Variants in PEX6 observed in about 807,000 individuals in gnomAD.
The protein encoded by PEX6 is peroxisomal biogenesis factor 6.
In PEX6, 55 loss-of-function variants were observed where a neutral mutation model predicts 85.6. The ratio of observed to expected loss-of-function variants is 0.64; its 90% CI spans 0.52 to 0.80. The LOEUF is 0.80. PEX6 is among the 30% of genes least tolerant of loss of function. PEX6 has a pLI of 0.00. For synonymous variants in PEX6, 519 were observed against 549.1 expected (o/e 0.95, Z 0.77); for missense variants, 1,099 against 1,260.3 (o/e 0.87, Z 1.94).
Position 42,969,903 on chromosome 6 carries a change from G to C in PEX6, c.1215C>G (p.Thr405=), listed in dbSNP as rs767916101. The part of the protein sequence containing the change: ...GPASAYLADT[T]HTSLYMVGST... Reference sequence around the variant, plus strand: ...GCCTCACCATGTACAAGGAGGTATGGGTGGTGTCGGCCAAGTAGGCACTGG... The same window carrying C: ...GCCTCACCATGTACAAGGAGGTATGCGTGGTGTCGGCCAAGTAGGCACTGG... Residue 405 remains threonine, a synonymous_variant, in exon 4 of 17, where the codon ACC becomes ACG. Transcript: ENST00000304611. 3.1e-6 allele frequency: 5 copies of C among 1,614,176 alleles called. No homozygotes were observed. The highest frequency in any genetic ancestry group is 3.4e-6 in the Non-Finnish European group (4 of 1,180,010).
In PEX6 at chr6:42,964,487, T is replaced by A; in HGVS notation, c.2807-16A>T. ...GGCTCCAGCCCTGGAGATGACAAGG[T>A]GGGGAGGCTGTGGTCTATGCCCAGG... On this transcript the variant is annotated splice_polypyrimidine_tract_variant and intron_variant, in intron 16 of 16. Coordinates refer to ENST00000304611, the MANE Select transcript of PEX6 (RefSeq NM_000287.4). The surrounding 1 kb of genome is among the most constrained non-coding windows in gnomAD (Gnocchi z 4.6). 6.2e-7 allele frequency: 1 copy of A among 1,612,654 alleles called. No homozygotes were observed. Among genetic ancestry groups the A allele is most frequent in the Non-Finnish European group, 8.5e-7 (1 of 1,179,890 alleles).
rs111282915 is a variant in PEX6 at position 42,974,893 on chromosome 6, C to T, written c.1028G>A (p.Arg343Gln). 2.1e-3 allele frequency: 3,309 copies of T among 1,613,850 alleles called. 65 individuals carry two copies. The African/African-American group carries it at 0.038, about 18-fold the overall frequency. Reference protein sequence around the residue: ...TNGNYDGVLYRHFQIPRVVQE... With the variant: ...TNGNYDGVLYQHFQIPRVVQE... ...AGCTAACCTGGGTATCTGAAAGTGC[C>T]GGTAAAGAACACCGTCATAATTTCC... The change falls in exon 2 of 17, where the codon CGG (arginine) becomes CAG (glutamine). Residue 343 changes from arginine to glutamine, a missense_variant. Physicochemically the swap from Arg to Gln is conservative, Grantham distance 43. Coordinates refer to ENST00000304611, the MANE Select transcript of PEX6 (RefSeq NM_000287.4).
rs1200942780 is a variant in PEX6 at position 42,978,745 on chromosome 6, G to C, written c.406C>G (p.Pro136Ala). 3 of 1,536,556 alleles carry C rather than the reference G, an allele frequency of 2.0e-6. No individual in the cohort carries two copies. Among genetic ancestry groups the C allele is most frequent in the Non-Finnish European group, 2.6e-6 (3 of 1,147,208 alleles). The change falls in exon 1 of 17, where the codon CCG becomes GCG. Residue 136 changes from proline to alanine, a missense_variant. Pro to Ala is a conservative substitution (Grantham distance 27). This residue lies in a region of PEX6 where 579 missense variants were observed against 611.6 expected (regional missense o/e 0.95). Transcript: ENST00000304611. ...GCCGGCCGCGTCTCCAGCACCCGCGGTCCGGGCACTGGGAGGGTCTCTCCG... is the reference window on the plus strand; with the variant it reads ...GCCGGCCGCGTCTCCAGCACCCGCGCTCCGGGCACTGGGAGGGTCTCTCCG... The part of the protein sequence containing the change: ...RRGETLPVPG[P>A]RVLETRPALQ...
Position 42,968,472 on chromosome 6 carries a change from T to G in PEX6, c.1506A>C (p.Glu502Asp), listed in dbSNP as rs2114245075. The change falls in exon 7 of 17, where the codon GAA (glutamate) becomes GAC (aspartate). Residue 502 changes from glutamate to aspartate, a missense_variant. By Grantham distance (45) the Glu-to-Asp change is conservative. Around this residue, in one of 3 missense-constraint regions of PEX6, gnomAD observed 514 missense variants for 627.0 expected, o/e 0.82. Coordinates refer to ENST00000304611, the MANE Select transcript of PEX6 (RefSeq NM_000287.4). ...LKVPCSSLCA[E>D]SSGAVETKLQ... ...GTTTTGTCTCCACAGCCCCACTACT[T>G]TCTGCACAGAGGCTGGAGCAGGGCA... 2 of 1,590,360 alleles carry G rather than the reference T, an allele frequency of 1.3e-6. No individual in the cohort carries two copies. Among genetic ancestry groups the G allele is most frequent in the Non-Finnish European group, 1.7e-6 (2 of 1,168,174 alleles).
chr6:42,964,412 C>A lies in PEX6; in HGVS notation c.2866G>T (p.Ala956Ser), dbSNP rs774145857. The A allele has an allele frequency of 5.6e-6, 9 of 1,613,802 alleles. No individual in the cohort carries two copies. Among genetic ancestry groups the A allele is most frequent in the Non-Finnish European group, 6.8e-6 (8 of 1,179,980 alleles). ...TCACTGACTGAGGGTTGCAGCCGGG[C>A]GGCAGCCTGCAGCAAGTCCTCCATG... ...LTMEDLLQAAARLQPSVSEQE... is the reference protein window; with the variant it reads ...LTMEDLLQAASRLQPSVSEQE... Residue 956 changes from alanine (A) to serine (S), a missense_variant, in exon 17 of 17, where the codon GCC becomes TCC. By Grantham distance (99) the Ala-to-Ser change is moderately conservative. This residue lies in a region of PEX6 where 514 missense variants were observed against 627.0 expected (regional missense o/e 0.82). Coordinates refer to ENST00000304611, the MANE Select transcript of PEX6 (RefSeq NM_000287.4). The surrounding 1 kb of genome is among the most constrained non-coding windows in gnomAD (Gnocchi z 4.6).
At chr6:42,966,504 C>T (rs1769813871) in intron 10 of PEX6, 21 bp downstream of exon 10, 1 of 1,614,160 alleles carries the variant, frequency 6.2e-7, no homozygotes, top group African/African-American at 1.3e-5. Context: ...CCTGTCCCAC[C>T]TCCAAGGACT....
At position 42,965,878 on chromosome 6, in the gene PEX6, G is replaced by A. The variant is rs1769777886; in HGVS notation, c.2363-89C>T. 5 of 1,325,798 alleles carry A rather than the reference G, an allele frequency of 3.8e-6. No individual in the cohort carries two copies. The highest frequency in any genetic ancestry group is 5.4e-6 in the Non-Finnish European group (5 of 921,480). The allele number at this position is 1,325,798 out of a possible 1,614,324, so 82.1% of individuals were successfully genotyped here. ...AGAGCAGGGAGGGAAACTGGGGCCTGACAATACAGCACTGGCATCCCAGGT... is the reference window on the plus strand; with the variant it reads ...AGAGCAGGGAGGGAAACTGGGGCCTAACAATACAGCACTGGCATCCCAGGT... On this transcript the variant is annotated intron_variant, in intron 12 of 16. Transcript: ENST00000304611. This position sits in a 1 kb window ranked among gnomAD's most constrained non-coding sequence, Gnocchi z 5.0.
In PEX6 at chr6:42,964,677, A is replaced by G; in HGVS notation, c.2806+113T>C. The G allele has an allele frequency of 3.4e-6, 5 of 1,464,138 alleles. No homozygotes were observed. In the South Asian group the frequency reaches 4.6e-5, roughly 13 times the overall value. 90.7% of individuals were successfully genotyped at this position (1,464,138 alleles called of 1,614,324 possible). A position where few individuals can be genotyped will look rare whatever the true frequency, so the allele number is the denominator to read the frequency against. On this transcript the variant is annotated intron_variant, in intron 16 of 16. Coordinates refer to ENST00000304611, the MANE Select transcript of PEX6 (RefSeq NM_000287.4). This position sits in a 1 kb window ranked among gnomAD's most constrained non-coding sequence, Gnocchi z 4.6. The stretch of plus-strand genomic sequence containing the variant: ...TCTGTGTTGCCCAGGCTGGCCTCAA[A>G]CTCCTGGGCTCAAGCGATCCTCCCA...
chr6:42,972,528 TG>T (rs1200857474), intron 3 of PEX6, among the ~76,000 whole-genome samples: 8 of 152,180 alleles, frequency 5.3e-5, no homozygotes, highest in African/African-American at 1.4e-4. Context: ...CCCAGCACTT[TG>T]GGAGGCCGAG....
Position 42,964,880 on chromosome 6 carries a change from G to A in PEX6, c.2716C>T (p.Pro906Ser), listed in dbSNP as rs750600222. The change falls in exon 16 of 17, where the codon CCT becomes TCT. Residue 906 changes from proline (P) to serine (S), a missense_variant. Pro to Ser is a moderately conservative substitution (Grantham distance 74). Around this residue, in one of 3 missense-constraint regions of PEX6, gnomAD observed 514 missense variants for 627.0 expected, o/e 0.82. Transcript: ENST00000304611. The surrounding 1 kb of genome is among the most constrained non-coding windows in gnomAD (Gnocchi z 4.6). The part of the protein sequence containing the change: ...VSLVNVLDCC[P>S]PQLTGADLYS... ...AGGTCCGCGCCCGTCAGCTGGGGAG[G>A]GCAGCAATCTAGCACGTTTACCAGG... 2 of 1,614,140 alleles carry A rather than the reference G, an allele frequency of 1.2e-6. No homozygotes were observed. The highest frequency in any genetic ancestry group is 1.7e-6 in the Non-Finnish European group (2 of 1,180,028).
Position 42,964,324 on chromosome 6 carries a change from C to T in PEX6, c.*11G>A, listed in dbSNP as rs1001052245. 15 of 1,613,332 alleles carry T rather than the reference C, an allele frequency of 9.3e-6. No individual in the cohort carries two copies. The highest frequency in any genetic ancestry group is 1.3e-5 in the African/African-American group (1 of 74,942). On this transcript the variant is annotated 3_prime_UTR_variant, in exon 17 of 17. Coordinates refer to ENST00000304611, the MANE Select transcript of PEX6 (RefSeq NM_000287.4). The surrounding 1 kb of genome is among the most constrained non-coding windows in gnomAD (Gnocchi z 4.6). ...GCCATGCTGAGCGGGGTCCCAGACCCTGGGGGGCTCCTAGCAGGCAGCAAA... is the reference window on the plus strand; with the variant it reads ...GCCATGCTGAGCGGGGTCCCAGACCTTGGGGGGCTCCTAGCAGGCAGCAAA...
At chr6:42,974,802 G>T in intron 2 of PEX6, 73 bp downstream of exon 2, 1 of 1,414,418 alleles carries the variant, frequency 7.1e-7, no homozygotes, top group Non-Finnish European at 1.0e-6. Context: ...GGGGTACTTG[G>T]TTCTAAGGCA....
At chr6:42,966,883 A>T (rs769940502) in intron 8 of PEX6, 25 bp from the exon 9 acceptor site, 13 of 1,589,692 alleles carry the variant, frequency 8.2e-6, no homozygotes, top group Non-Finnish European at 1.0e-5. Flanking sequence ...GAAAGGACAC[A>T]TGAGCAGGGC....
chr6:42,978,648 G>T lies in PEX6; in HGVS notation c.503C>A (p.Pro168Gln). 6.3e-7 allele frequency: 1 copy of T among 1,578,434 alleles called. No individual in the cohort carries two copies. Among genetic ancestry groups the T allele is most frequent in the East Asian group, 2.3e-5 (1 of 43,102 alleles). The change falls in exon 1 of 17, where the codon CCA (proline) becomes CAA (glutamine). Residue 168 changes from proline to glutamine, a missense_variant. Transcript: ENST00000304611. ...TELRGRARLC[P>Q]ESGDSSRPPP... ...GGGCCGACTGCTGTCCCCAGACTCTGGACACAGTCTGGCCCGCCCGCGGAG... is the reference window on the plus strand; with the variant it reads ...GGGCCGACTGCTGTCCCCAGACTCTTGACACAGTCTGGCCCGCCCGCGGAG...
At chr6:42,970,301 T>A (rs940628013) in intron 3 of PEX6, among the ~76,000 whole-genome samples, 4 of 152,190 alleles carry the variant, frequency 2.6e-5, no homozygotes, top group Non-Finnish European at 5.9e-5. Context: ...AAGCAGTGGA[T>A]CATCTGATTA....
At chr6:42,974,301 A>G (rs1327937266) in intron 2 of PEX6, among the ~76,000 whole-genome samples, 1 of 152,156 alleles carries the variant, frequency 6.6e-6, no homozygotes, top group African/African-American at 2.4e-5. Flanking sequence ...TGAGTGGCAG[A>G]GCAGGATCCT....
Position 42,978,862 on chromosome 6 carries a change from C to CCGCCCG in PEX6, c.283_288dup (p.Arg95_Ala96dup). On this transcript the variant is annotated inframe_insertion, in exon 1 of 17. Transcript: ENST00000304611. The stretch of plus-strand genomic sequence containing the variant: ...CAACCTAGCGCCGGGGGCCGCCGCA[C>CCGCCCG]CGCCCGCGCCCGCACCCAGGCCCCG... The CCGCCCG allele has an allele frequency of 2.0e-6, 3 of 1,495,390 alleles. No homozygotes were observed. Among genetic ancestry groups the CCGCCCG allele is most frequent in the Non-Finnish European group, 2.7e-6 (3 of 1,131,742 alleles). The allele number at this position is 1,495,390 out of a possible 1,614,324, so 92.6% of individuals were successfully genotyped here. A position where few individuals can be genotyped will look rare whatever the true frequency, so the allele number is the denominator to read the frequency against.
chr6:42,978,772 G>C lies in PEX6; in HGVS notation c.379C>G (p.Arg127Gly), dbSNP rs1285588485. The change falls in exon 1 of 17, where the codon CGC (arginine) becomes GGC (glycine). Residue 127 changes from arginine (R) to glycine (G), a missense_variant. Arg to Gly is a moderately radical substitution (Grantham distance 125). This residue lies in a region of PEX6 where 579 missense variants were observed against 611.6 expected (regional missense o/e 0.95). Transcript: ENST00000304611. ...GPRVGPLLVR[R>G]GETLPVPGPR... ...CCGGGCACTGGGAGGGTCTCTCCGCGCCTCACCAGCAGCGGCCCGACTCGC... is the reference window on the plus strand; with the variant it reads ...CCGGGCACTGGGAGGGTCTCTCCGCCCCTCACCAGCAGCGGCCCGACTCGC... 6.5e-7 allele frequency: 1 copy of C among 1,534,600 alleles called. No individual in the cohort carries two copies. The highest frequency in any genetic ancestry group is 1.4e-5 in the African/African-American group (1 of 72,976).
At position 42,964,483 on chromosome 6, in the gene PEX6, A is replaced by C; in HGVS notation, c.2807-12T>G. ...ACCTGGCTCCAGCCCTGGAGATGACAAGGTGGGGAGGCTGTGGTCTATGCC... is the reference window on the plus strand; with the variant it reads ...ACCTGGCTCCAGCCCTGGAGATGACCAGGTGGGGAGGCTGTGGTCTATGCC... On this transcript the variant is annotated splice_polypyrimidine_tract_variant and intron_variant, in intron 16 of 16. Coordinates refer to ENST00000304611, the MANE Select transcript of PEX6 (RefSeq NM_000287.4). The surrounding 1 kb of genome is among the most constrained non-coding windows in gnomAD (Gnocchi z 4.6). 6.2e-7 allele frequency: 1 copy of C among 1,612,902 alleles called. No homozygotes were observed. Among genetic ancestry groups the C allele is most frequent in the South Asian group, 1.1e-5 (1 of 91,046 alleles).
Sources: gnomAD v4.1 joint callset for allele counts (sites outside exome capture counted in the v4.1 genomes callset) on GRCh38, gnomAD v4.1.1 for gene constraint, gnomAD v4.1.1 regional missense constraint, Gnocchi (gnomAD v3.1) non-coding constraint, MANE v1.5 for transcripts, NCBI Gene and HGNC (gene_info 2026-07-23, HGNC 2026-07-21) for gene names.